Variants in ERMAP observed in about 807,000 individuals in gnomAD.
ERMAP encodes erythroid membrane-associated protein.
In ERMAP, 34 loss-of-function variants were observed where a neutral mutation model predicts 49.5. The observed-to-expected ratio is 0.69, with a 90% CI of 0.52 to 0.91. The LOEUF is 0.91. Ranked by LOEUF, ERMAP falls within the 40% of genes least tolerant of loss-of-function variation. The pLI, the probability that ERMAP is intolerant of heterozygous loss-of-function variation, is 0.00. For missense variants in ERMAP, 541 were observed against 582.6 expected (o/e 0.93, Z 0.74); for synonymous variants, 214 against 232.2 (o/e 0.92, Z 0.71).
chr1:42,835,715 TTC>T lies in ERMAP; in HGVS notation c.551-10_551-9del. 1.2e-6 allele frequency: 2 copies of T among 1,611,590 alleles called. No individual in the cohort carries two copies. Among genetic ancestry groups the T allele is most frequent in the Admixed American group, 1.7e-5 (1 of 59,776 alleles). ...AGCCCTTCCTAAGCTGAGCTGGCATTTCTCTCTCCCTTTTAGAAAAGCTTCTC... is the reference window on the plus strand; with the variant it reads ...AGCCCTTCCTAAGCTGAGCTGGCATTTCTCTCCCTTTTAGAAAAGCTTCTC... On this transcript the variant is annotated splice_polypyrimidine_tract_variant and intron_variant, in intron 5 of 11. Transcript: ENST00000372517.
At position 42,831,071 on chromosome 1, in the gene ERMAP, T is replaced by G; in HGVS notation, c.389T>G (p.Val130Gly). 1 of 1,614,200 alleles carries G rather than the reference T, an allele frequency of 6.2e-7. No homozygotes were observed. The highest frequency in any genetic ancestry group is 1.1e-5 in the South Asian group (1 of 91,086). ...DQGSYRCLIQ[V>G]GNLSKEDTVI... ...GGGTCTTACCGATGTCTGATCCAAG[T>G]TGGAAATCTGAGTAAAGAGGACACC... The change falls in exon 4 of 12, where the codon GTT becomes GGT. Residue 130 changes from valine to glycine, a missense_variant. Transcript: ENST00000372517.
intron 1 of ERMAP, among the ~76,000 whole-genome samples, chr1:42,823,674 C>A (rs1241199435): frequency 6.6e-6 from 1 of 152,182 alleles, no homozygotes; most frequent in Non-Finnish European, 1.5e-5. Flanking sequence ...AACTCAATCA[C>A]TTAAGGTTTT....
Position 42,825,635 on chromosome 1 carries a change from C to G in ERMAP, c.-109C>G, listed in dbSNP as rs1024098045. Reference sequence around the variant, plus strand: ...CCCACATCCCTAGGCCTTCCTGATGCGCTTGCCTGCTCCCTGGTCTCTCTG... The same window carrying G: ...CCCACATCCCTAGGCCTTCCTGATGGGCTTGCCTGCTCCCTGGTCTCTCTG... On this transcript the variant is annotated 5_prime_UTR_variant, in exon 2 of 12. Coordinates refer to ENST00000372517, the MANE Select transcript of ERMAP (RefSeq NM_001017922.2). The G allele has an allele frequency of 2.3e-6, 3 of 1,288,636 alleles. No individual in the cohort carries two copies. Among genetic ancestry groups the G allele is most frequent in the Non-Finnish European group, 3.0e-6 (3 of 988,718 alleles). The allele number at this position is 1,288,636 out of a possible 1,614,324, so 79.8% of individuals were successfully genotyped here. A position where few individuals can be genotyped will look rare whatever the true frequency, so the allele number is the denominator to read the frequency against.
intron 2 of ERMAP, among the ~76,000 whole-genome samples, chr1:42,828,448 C>T (rs989217146): frequency 1.3e-5 from 2 of 151,892 alleles, no homozygotes; most frequent in African/African-American, 4.8e-5. Flanking sequence ...AATGGCAGAG[C>T]CAGGACTTGA....
chr1:42,835,720 T>C lies in ERMAP; in HGVS notation c.551-12T>C, dbSNP rs149950197. The C allele has an allele frequency of 4.4e-3, 7,109 of 1,611,624 alleles. 148 individuals carry two copies. In the East Asian group the frequency reaches 0.056, roughly 13 times the overall value. Reference sequence around the variant, plus strand: ...TTCCTAAGCTGAGCTGGCATTTCTCTCTCCCTTTTAGAAAAGCTTCTCTAT... The same window carrying C: ...TTCCTAAGCTGAGCTGGCATTTCTCCCTCCCTTTTAGAAAAGCTTCTCTAT... On this transcript the variant is annotated splice_polypyrimidine_tract_variant and intron_variant, in intron 5 of 11. Coordinates refer to ENST00000372517, the MANE Select transcript of ERMAP (RefSeq NM_001017922.2).
Position 42,825,830 on chromosome 1 carries a change from C to T in ERMAP, c.-6+92C>T, listed in dbSNP as rs1012445943. On this transcript the variant is annotated intron_variant, in intron 2 of 11. Coordinates refer to ENST00000372517, the MANE Select transcript of ERMAP (RefSeq NM_001017922.2). ...AGAGAAATAATCCCCTTTCTCCTTA[C>T]GCACAAGAACATTTTCAAGGGTGAA... The T allele has an allele frequency of 3.6e-5, 44 of 1,235,776 alleles. No individual in the cohort carries two copies. In the Admixed American group the frequency reaches 4.4e-4, roughly 12 times the overall value. The allele number at this position is 1,235,776 out of a possible 1,614,324, so 76.6% of individuals were successfully genotyped here.
intron 1 of ERMAP, among the ~76,000 whole-genome samples, chr1:42,823,229 C>T (rs1654447934): frequency 6.6e-6 from 1 of 152,176 alleles, no homozygotes; most frequent in Non-Finnish European, 1.5e-5. Flanking sequence ...CAGCAACACT[C>T]ACAGTTTTTT....
rs1330414303 is a variant in ERMAP, at chr1:42,842,849, T to A, written c.1045T>A (p.Phe349Ile). Residue 349 changes from phenylalanine to isoleucine, a missense_variant, in exon 12 of 12, where the codon TTC becomes ATC. Phe to Ile is a conservative substitution (Grantham distance 21). Transcript: ENST00000372517. ...YEALTSPQTS[F>I]RLKEPPRCVG... Reference sequence around the variant, plus strand: ...AGCTCTCACATCCCCGCAGACCTCCTTCCGCCTTAAAGAGCCTCCACGGTG... The same window carrying A: ...AGCTCTCACATCCCCGCAGACCTCCATCCGCCTTAAAGAGCCTCCACGGTG... 16 of 1,614,064 alleles carry A rather than the reference T, an allele frequency of 9.9e-6. No homozygotes were observed. In the South Asian group the frequency reaches 1.4e-4, roughly 14 times the overall value.
chr1:42,837,291 C>A, intron 7 of ERMAP, 101 bp downstream of exon 7: 2 of 1,273,702 alleles, frequency 1.6e-6, no homozygotes, highest in Non-Finnish European at 2.3e-6. Flanking sequence ...TTTTATAATA[C>A]TGTACACACA....
At position 42,843,152 on chromosome 1, in the gene ERMAP, C is replaced by T; in HGVS notation, c.1348C>T (p.Pro450Ser). The change falls in exon 12 of 12, where the codon CCA becomes TCA. Residue 450 changes from proline to serine, a missense_variant. Physicochemically the swap from Pro to Ser is moderately conservative, Grantham distance 74 (BLOSUM62 -1). Coordinates refer to ENST00000372517, the MANE Select transcript of ERMAP (RefSeq NM_001017922.2). ...VNSSLLPPKA[P>S]ELKDIILSLP... The stretch of plus-strand genomic sequence containing the variant: ...CTCTTCTTTACTACCCCCGAAGGCC[C>T]CAGAGCTGAAGGATATAATCCTGTC... 3.7e-6 allele frequency: 6 copies of T among 1,614,146 alleles called. No individual in the cohort carries two copies. Among genetic ancestry groups the T allele is most frequent in the South Asian group, 1.1e-5 (1 of 91,080 alleles).
chr1:42,825,956 T>C (rs1027369163), intron 2 of ERMAP, among the ~76,000 whole-genome samples: 1 of 152,188 alleles, frequency 6.6e-6, no homozygotes, highest in African/African-American at 2.4e-5. Context: ...AGTAGTATTG[T>C]CATCATTATT....
In ERMAP at chr1:42,835,781, G is replaced by C. The variant is rs1654877904; in HGVS notation, c.583+17G>C. ...CGGAGGTGGGTAAGTGTTCTTGGCT[G>C]GGGGGCAGGGGAGATGTTTCTTTTG... is the stretch of plus-strand genomic sequence containing the variant. On this transcript the variant is annotated intron_variant, in intron 6 of 11. Transcript: ENST00000372517. 2 of 1,599,180 alleles carry C rather than the reference G, an allele frequency of 1.3e-6. No individual in the cohort carries two copies. The highest frequency in any genetic ancestry group is 1.3e-5 in the African/African-American group (1 of 74,146).
intron 1 of ERMAP, among the ~76,000 whole-genome samples, chr1:42,824,155 T>C (rs1654473604): frequency 6.6e-6 from 1 of 151,176 alleles, no homozygotes; most frequent in Admixed American, 6.6e-5. Flanking sequence ...CCATCCTGGC[T>C]AACACGGTGA....
chr1:42,822,093 A>G (rs1388376824), intron 1 of ERMAP, among the ~76,000 whole-genome samples: 1 of 151,530 alleles, frequency 6.6e-6, no homozygotes, highest in Non-Finnish European at 1.5e-5. Context: ...TTATATAACA[A>G]CAAAACATAT....
At position 42,843,870 on chromosome 1, in the gene ERMAP, G is replaced by A. The variant is rs1226429933; in HGVS notation, c.*638G>A. The A allele has an allele frequency of 2.5e-6, 1 of 394,620 alleles. No individual in the cohort carries two copies. The highest frequency in any genetic ancestry group is 4.5e-6 in the Non-Finnish European group (1 of 224,128). 24.4% of individuals were successfully genotyped at this position (394,620 alleles called of 1,614,324 possible). Reference sequence around the variant, plus strand: ...CATGCTTTCAAAAGCTAATCTGCCTGTTGATGGTAACTAGGTACAGCGACT... The same window carrying A: ...CATGCTTTCAAAAGCTAATCTGCCTATTGATGGTAACTAGGTACAGCGACT... On this transcript the variant is annotated 3_prime_UTR_variant, in exon 12 of 12. Transcript: ENST00000372517.
rs1655019407 is a variant in ERMAP at position 42,840,287 on chromosome 1, T to C, written c.703T>C (p.Leu235=). 1 of 1,614,082 alleles carries C rather than the reference T, an allele frequency of 6.2e-7. No homozygotes were observed. Among genetic ancestry groups the C allele is most frequent in the South Asian group, 1.1e-5 (1 of 91,094 alleles). Residue 235 remains leucine, a synonymous_variant, in exon 11 of 12, where the codon TTG becomes CTG. Coordinates refer to ENST00000372517, the MANE Select transcript of ERMAP (RefSeq NM_001017922.2). ...TTTTTCAGGCTGGAGAAGAGCCCGGTTGCATTTTGGTAAGTTATACCAATC... is the reference window on the plus strand; with the variant it reads ...TTTTTCAGGCTGGAGAAGAGCCCGGCTGCATTTTGGTAAGTTATACCAATC... ...AANSGWRRAR[L]HFVAVTLDPD...
chr1:42,837,209 A>G lies in ERMAP; in HGVS notation c.616+19A>G, dbSNP rs1654927755. 2 of 1,611,736 alleles carry G rather than the reference A, an allele frequency of 1.2e-6. No homozygotes were observed. Among genetic ancestry groups the G allele is most frequent in the East Asian group, 4.5e-5 (2 of 44,866 alleles). ...GAAAAAGGTAATGATATAAAAGAGTAAGGGGTAGGGAACAAAAAACACATT... is the reference window on the plus strand; with the variant it reads ...GAAAAAGGTAATGATATAAAAGAGTGAGGGGTAGGGAACAAAAAACACATT... On this transcript the variant is annotated intron_variant, in intron 7 of 11. Coordinates refer to ENST00000372517, the MANE Select transcript of ERMAP (RefSeq NM_001017922.2).
Position 42,830,490 on chromosome 1 carries a change from C to T in ERMAP, c.42C>T (p.Cys14=). The part of the protein sequence containing the change: ...ASSAGSWLSG[C]LIPLVFLRLS... ...CTGCTGGCTCCTGGCTCTCTGGCTG[C>T]CTCATCCCTCTCGTCTTCCTCCGGC... Residue 14 remains cysteine (C), a synonymous_variant, in exon 3 of 12, where the codon TGC becomes TGT. Transcript: ENST00000372517. 1 of 1,614,192 alleles carries T rather than the reference C, an allele frequency of 6.2e-7. No individual in the cohort carries two copies. The highest frequency in any genetic ancestry group is 8.5e-7 in the Non-Finnish European group (1 of 1,180,018).
Position 42,842,895 on chromosome 1 carries a change from A to G in ERMAP, c.1091A>G (p.Tyr364Cys). ...CGGTGTGTGGGGATTTTCCTGGACT[A>G]TGAAGCAGGAGTCATCTCTTTCTAC... ...PPRCVGIFLD[Y>C]EAGVISFYNV... is the part of the protein sequence containing the mutation. The change falls in exon 12 of 12, where the codon TAT becomes TGT. Residue 364 changes from tyrosine to cysteine, a missense_variant. Tyr to Cys is a radical substitution (Grantham distance 194). Transcript: ENST00000372517. 2 of 1,614,192 alleles carry G rather than the reference A, an allele frequency of 1.2e-6. No individual in the cohort carries two copies. Among genetic ancestry groups the G allele is most frequent in the Non-Finnish European group, 1.7e-6 (2 of 1,180,040 alleles).
Sources: gnomAD v4.1 joint callset for allele counts (sites outside exome capture counted in the v4.1 genomes callset) on GRCh38, gnomAD v4.1.1 for gene constraint, MANE v1.5 for transcripts, NCBI Gene and HGNC (gene_info 2026-07-23, HGNC 2026-07-21) for gene names.